The following MAU2 variants were observed in gnomAD, a reference collection of about 807,000 sequenced individuals.
MAU2 encodes the protein MAU2 sister chromatid cohesion factor.
Under a neutral mutation model 89.1 loss-of-function variants are expected in MAU2, and 9 were observed. The ratio of observed to expected loss-of-function variants is 0.10; its 90% confidence interval spans 0.06 to 0.18. MAU2 has a LOEUF of 0.18. Ranked by LOEUF, MAU2 falls within the 10% of genes least tolerant of loss-of-function variation. MAU2 has a pLI of 1.00. For synonymous variants in MAU2, 357 were observed against 343.4 expected, an observed-to-expected ratio of 1.04 and a Z score of -0.44; for missense variants, 425 against 803.5, an observed-to-expected ratio of 0.53 and a Z score of 5.69.
At chr19:19,348,662 C>A in intron 13 of MAU2, 1 of 637,722 alleles carries the variant, frequency 1.6e-6, no homozygotes, top group Non-Finnish European at 2.8e-6. Flanking sequence ...AGGCCCCTGT[C>A]ACCTACTGCA....
chr19:19,335,104 G>A (rs2061586015), intron 1 of MAU2, among the ~76,000 whole-genome samples: 2 of 152,202 alleles, frequency 1.3e-5, no homozygotes, highest in South Asian at 4.1e-4. Flanking sequence ...GTTGGAGCCT[G>A]TTGTCTGAAC....
chr19:19,332,636 G>A (rs971094808), intron 1 of MAU2, among the ~76,000 whole-genome samples: 1 of 151,974 alleles, frequency 6.6e-6, no homozygotes, highest in Non-Finnish European at 1.5e-5. Flanking sequence ...GAGCCTTTGG[G>A]CACATTACTT....
chr19:19,323,048 AC>A (rs1464236989), intron 1 of MAU2, among the ~76,000 whole-genome samples: 6 of 151,052 alleles, frequency 4.0e-5, no homozygotes, highest in East Asian at 3.9e-4. Flanking sequence ...GCGCCACCAC[AC>A]CCAGCTAATT....
intron 12 of MAU2, chr19:19,346,838 T>C (rs778749331): frequency 8.1e-5 from 13 of 161,032 alleles, no homozygotes; most frequent in Non-Finnish European, 1.5e-4. Flanking sequence ...GCTGGCCCCC[T>C]GTGGGACAAC....
chr19:19,340,282 G>A (rs972964387), intron 5 of MAU2, among the ~76,000 whole-genome samples: 1 of 151,742 alleles, frequency 6.6e-6, no homozygotes. Flanking sequence ...GCAGTGAATC[G>A]AGATCACACC....
At chr19:19,351,817 G>C (rs2061747229) in intron 16 of MAU2, among the ~76,000 whole-genome samples, 2 of 143,064 alleles carry the variant, frequency 1.4e-5, no homozygotes, top group African/African-American at 5.2e-5. Flanking sequence ...TGGAGGTTTT[G>C]CTTGTCAGCC....
At chr19:19,340,130 A>G (rs924977324) in intron 5 of MAU2, among the ~76,000 whole-genome samples, 1 of 148,832 alleles carries the variant, frequency 6.7e-6, no homozygotes, top group African/African-American at 2.5e-5. Flanking sequence ...GCGCCACTGC[A>G]CTCCAGCCTG....
chr19:19,339,050 A>C, intron 5 of MAU2, 111 bp downstream of exon 5: 9 of 832,884 alleles, frequency 1.1e-5, no homozygotes, highest in Non-Finnish European at 1.7e-5. Flanking sequence ...ACAGTAGCTC[A>C]CAGTATATTC....
chr19:19,330,912 C>CT (rs1190387517), intron 1 of MAU2, among the ~76,000 whole-genome samples: 1 of 151,962 alleles, frequency 6.6e-6, no homozygotes, highest in South Asian at 2.1e-4. Flanking sequence ...CAAAAAAAGC[C>CT]TTTTTTTTAA....
intron 16 of MAU2, among the ~76,000 whole-genome samples, chr19:19,350,502 G>A (rs971826506): frequency 7.9e-5 from 12 of 151,898 alleles, no homozygotes; most frequent in African/African-American, 2.9e-4. Flanking sequence ...TATTCTGGAG[G>A]CTGAGACAGG....
At chr19:19,322,615 AG>A (rs2061470584) in intron 1 of MAU2, among the ~76,000 whole-genome samples, 1 of 152,062 alleles carries the variant, frequency 6.6e-6, no homozygotes. Context: ...AAAGATAATA[AG>A]GAAAAAATAA....
intron 2 of MAU2, 51 bp from the exon 3 acceptor site, chr19:19,336,070 TC>T: frequency 7.1e-7 from 1 of 1,416,074 alleles, no homozygotes; most frequent in Non-Finnish European, 1.0e-6. Context: ...TGTGGCCCTT[TC>T]AAACCGACCT....
intron 16 of MAU2, chr19:19,353,771 T>G: frequency 6.2e-6 from 1 of 160,746 alleles, no homozygotes; most frequent in East Asian, 1.7e-4. Context: ...GATGGGCATT[T>G]ATGGGCCCTG....
At position 19,341,310 on chromosome 19, in the gene MAU2, A is replaced by G. The variant is rs1161324007; in HGVS notation, c.638A>G (p.Gln213Arg). 6.2e-7 allele frequency: 1 copy of G among 1,613,296 alleles called. No individual in the cohort carries two copies. The highest frequency in any genetic ancestry group is 8.5e-7 in the Non-Finnish European group (1 of 1,180,008). ...CACCCGCTGCTGACCCTCTGCGGGC[A>G]GATCGTGGAGAACTGGCAGGGGAAC... ...EVHPLLTLCG[Q>R]IVENWQGNPI... Residue 213 changes from glutamine to arginine, a missense_variant, in exon 7 of 19, where the codon CAG becomes CGG. Gln to Arg is a conservative substitution (Grantham distance 43, BLOSUM62 1). Transcript: ENST00000262815.
chr19:19,342,727 G>T (rs1489020391), intron 8 of MAU2, 46 bp downstream of exon 8: 11 of 1,613,332 alleles, frequency 6.8e-6, no homozygotes, highest in African/African-American at 1.3e-5. Context: ...GCGGGGGCAG[G>T]GAGAGGGAGA....
At chr19:19,344,425 C>CA (rs1303238767) in intron 10 of MAU2, 2 of 235,388 alleles carry the variant, frequency 8.5e-6, no homozygotes, top group Admixed American at 5.1e-5. Flanking sequence ...AAAAAAAACC[C>CA]AAAAAACTAA....
chr19:19,349,667 A>T (rs1357967077), intron 16 of MAU2, among the ~76,000 whole-genome samples: 1 of 152,192 alleles, frequency 6.6e-6, no homozygotes, highest in African/African-American at 2.4e-5. Flanking sequence ...GTGGCCTCAG[A>T]CATTGGGCAG....
rs763399852 is a variant in MAU2 at position 19,355,377 on chromosome 19, C to A, written c.1753C>A (p.His585Asn). 6.2e-7 allele frequency: 1 copy of A among 1,614,030 alleles called. No individual in the cohort carries two copies. The highest frequency in any genetic ancestry group is 8.5e-7 in the Non-Finnish European group (1 of 1,179,970). ...DHIEACSLPEHNLITWTDGPP... is the reference protein window; with the variant it reads ...DHIEACSLPENNLITWTDGPP... ...CATTGAGGCCTGCAGCCTCCCCGAACACAACCTCATCACGGTACGGGTGTG... is the reference window on the plus strand; with the variant it reads ...CATTGAGGCCTGCAGCCTCCCCGAAAACAACCTCATCACGGTACGGGTGTG... The change falls in exon 18 of 19, where the codon CAC (histidine) becomes AAC (asparagine). Residue 585 changes from histidine to asparagine, a missense_variant. By Grantham distance (68) the His-to-Asn change is moderately conservative (BLOSUM62 1). Transcript: ENST00000262815.
Position 19,345,449 on chromosome 19 carries a change from A to T in MAU2, c.1221+80A>T. 1 of 1,388,494 alleles carries T rather than the reference A, an allele frequency of 7.2e-7. No individual in the cohort carries two copies. The highest frequency in any genetic ancestry group is 1.2e-5 in the South Asian group (1 of 86,238). The allele number at this position is 1,388,494 out of a possible 1,614,324, so 86.0% of individuals were successfully genotyped here. A position where few individuals can be genotyped will look rare whatever the true frequency, so the allele number is the denominator to read the frequency against. ...GTCGGGCGTGGTCTGTGATGAGGAC[A>T]GCAGTCGCGCTAGGTCAGCTATGCA... is the stretch of plus-strand genomic sequence containing the variant. On this transcript the variant is annotated intron_variant, in intron 12 of 18. Coordinates refer to ENST00000262815, the MANE Select transcript of MAU2 (RefSeq NM_015329.4). The surrounding 1 kb of genome is among the most constrained non-coding windows in gnomAD (Gnocchi z 4.9).
Sources: allele counts gnomAD v4.1 joint callset (sites outside exome capture counted in the v4.1 genomes callset), GRCh38; gene constraint gnomAD v4.1.1; non-coding constraint Gnocchi (gnomAD v3.1); transcripts MANE v1.5; gene names NCBI Gene and HGNC (gene_info 2026-07-23, HGNC 2026-07-21).